CDH10: variants seen among roughly 807,000 people sequenced by gnomAD.
CDH10 encodes the protein cadherin-10.
A neutral mutation model predicts 73.1 loss-of-function variants in CDH10; 30 were observed. The ratio of observed to expected loss-of-function variants is 0.41; its 90% CI spans 0.31 to 0.56. The LOEUF (loss-of-function observed/expected upper bound fraction) is 0.56, where lower values mean the gene tolerates loss of function less well. CDH10 is among the 20% of genes least tolerant of loss of function. The probability of loss-of-function intolerance (pLI) is 0.27; values close to 1 mark genes in which losing one functional copy is unlikely to be tolerated. For synonymous variants in CDH10, 345 were observed against 348.2 expected, an observed-to-expected ratio of 0.99 and a Z score of 0.10; for missense variants, 815 against 973.7, an observed-to-expected ratio of 0.84 and a Z score of 2.17.
chr5:24,535,639 T>A, intron 4 of CDH10, 64 bp downstream of exon 4: 1 of 1,446,880 alleles, frequency 6.9e-7, no homozygotes. Context: ...TCTCCCATGG[T>A]CTTTCTACTG....
intron 2 of CDH10, among the ~76,000 whole-genome samples, chr5:24,553,555 T>C (rs1472525108): frequency 2.0e-5 from 3 of 152,204 alleles, no homozygotes; most frequent in African/African-American, 4.8e-5. Context: ...AAGCCCTCTA[T>C]TGAAATTTTT....
At chr5:24,585,058 G>C (rs1745945437) in intron 2 of CDH10, among the ~76,000 whole-genome samples, 1 of 152,046 alleles carries the variant, frequency 6.6e-6, no homozygotes, top group Non-Finnish European at 1.5e-5. Context: ...ATGTTGCCCA[G>C]GCTGATCTCG....
chr5:24,619,348 C>T (rs1484989467), intron 1 of CDH10, among the ~76,000 whole-genome samples: 5 of 152,124 alleles, frequency 3.3e-5, no homozygotes, highest in Non-Finnish European at 4.4e-5. Context: ...CACCCACCAC[C>T]ACGCCCAGCT....
intron 1 of CDH10, among the ~76,000 whole-genome samples, chr5:24,627,821 G>A (rs762620263): frequency 1.6e-4 from 25 of 151,744 alleles, no homozygotes; most frequent in Non-Finnish European, 2.8e-4. Context: ...AAAGCACAAC[G>A]ATAGCTTTAC....
rs147967872 is a variant in CDH10 at position 24,585,174 on chromosome 5, C to A, written c.231+8086G>T. Among the ~76,000 whole-genome samples the A allele has an allele frequency of 1.4e-4, 21 of 152,118 alleles. No homozygotes were observed. In the East Asian group the frequency reaches 3.9e-3, roughly 28 times the overall value. ...TTAATTTTTAATCTTAATAATACGA[C>A]TCTGAAAACCTAGCAAGTAGGCTTC... On this transcript the variant is annotated intron_variant, in intron 2 of 11. Coordinates refer to ENST00000264463, the MANE Select transcript of CDH10 (RefSeq NM_006727.5).
At chr5:24,519,108 C>A (rs1743218272) in intron 5 of CDH10, among the ~76,000 whole-genome samples, 1 of 151,764 alleles carries the variant, frequency 6.6e-6, no homozygotes, top group African/African-American at 2.4e-5. Context: ...CCAGGCTGGT[C>A]TCAAATTCCT....
intron 5 of CDH10, 140 bp from the exon 6 acceptor site, chr5:24,511,654 TA>T: frequency 1.7e-6 from 1 of 593,264 alleles, no homozygotes; most frequent in Non-Finnish European, 3.0e-6. Context: ...TCTTAAACTC[TA>T]AATCAGATGT....
intron 1 of CDH10, among the ~76,000 whole-genome samples, chr5:24,628,180 A>G (rs907844121): frequency 2.0e-5 from 3 of 152,190 alleles, no homozygotes; most frequent in Non-Finnish European, 2.9e-5. Context: ...AAACAAAACT[A>G]TCTTGCACAT....
At chr5:24,513,161 G>T in intron 5 of CDH10, among the ~76,000 whole-genome samples, 1 of 151,860 alleles carries the variant, frequency 6.6e-6, no homozygotes, top group East Asian at 1.9e-4. Flanking sequence ...TGGGACTATA[G>T]GCACCTGCCA....
chr5:24,492,863 G>T lies in CDH10; in HGVS notation c.1578C>A (p.Phe526Leu). 6.3e-7 allele frequency: 1 copy of T among 1,589,354 alleles called. No homozygotes were observed. Among genetic ancestry groups the T allele is most frequent in the Non-Finnish European group, 8.6e-7 (1 of 1,158,122 alleles). ...AGTTTGGATTGACAGCAGCTAAACT[G>T]AAAAAAAATTTCTGTCCACCTAAAG... Reference protein sequence around the residue: ...DDPLGGQKFFFSLAAVNPNFT... With the variant: ...DDPLGGQKFFLSLAAVNPNFT... The change falls in exon 10 of 12, where the codon TTC becomes TTA. Residue 526 changes from phenylalanine to leucine, a missense_variant. Physicochemically the swap from Phe to Leu is conservative, Grantham distance 22 (BLOSUM62 0). Around this residue, in one of 3 missense-constraint regions of CDH10, gnomAD observed 516 missense variants for 636.6 expected, o/e 0.81. Coordinates refer to ENST00000264463, the MANE Select transcript of CDH10 (RefSeq NM_006727.5).
intron 1 of CDH10, among the ~76,000 whole-genome samples, chr5:24,638,936 G>A (rs1317515230): frequency 6.6e-6 from 1 of 151,442 alleles, no homozygotes; most frequent in Non-Finnish European, 1.5e-5. Context: ...TCATGTTTTT[G>A]ATCTTATTAG....
chr5:24,519,302 A>C (rs1042474844), intron 5 of CDH10, among the ~76,000 whole-genome samples: 2 of 151,960 alleles, frequency 1.3e-5, no homozygotes, highest in Admixed American at 1.3e-4. Flanking sequence ...AAAACAATAT[A>C]GATCAATATT....
intron 1 of CDH10, among the ~76,000 whole-genome samples, chr5:24,622,604 C>T (rs1368661826): frequency 6.6e-6 from 1 of 152,132 alleles, no homozygotes; most frequent in African/African-American, 2.4e-5. Context: ...CAGTTAAAAT[C>T]TGCTAATATA....
At chr5:24,631,752 A>T (rs920427776) in intron 1 of CDH10, among the ~76,000 whole-genome samples, 1 of 152,066 alleles carries the variant, frequency 6.6e-6, no homozygotes. Context: ...GGGGACAAAA[A>T]AATCTCATCT....
intron 2 of CDH10, among the ~76,000 whole-genome samples, chr5:24,564,138 G>T (rs948674858): frequency 6.6e-6 from 1 of 152,110 alleles, no homozygotes; most frequent in Non-Finnish European, 1.5e-5. Context: ...TGTAATATGT[G>T]TATTCATTGC....
intron 1 of CDH10, among the ~76,000 whole-genome samples, chr5:24,606,585 T>C (rs1044827352): frequency 3.9e-5 from 6 of 152,272 alleles, no homozygotes; most frequent in African/African-American, 1.4e-4. Context: ...CACTCCAGCC[T>C]GGGTGACAGA....
chr5:24,569,281 T>A (rs1295884895), intron 2 of CDH10, among the ~76,000 whole-genome samples: 2 of 152,144 alleles, frequency 1.3e-5, no homozygotes, highest in East Asian at 3.9e-4. Context: ...TTAATTTGTA[T>A]CATTTGAAAT....
intron 2 of CDH10, among the ~76,000 whole-genome samples, chr5:24,591,476 T>C (rs892035553): frequency 4.0e-5 from 6 of 151,754 alleles, no homozygotes; most frequent in African/African-American, 1.5e-4. Context: ...CATTAAAGAG[T>C]TTTCTAATTT....
At chr5:24,521,228 A>C (rs1222238344) in intron 5 of CDH10, among the ~76,000 whole-genome samples, 7 of 152,256 alleles carry the variant, frequency 4.6e-5, no homozygotes, top group East Asian at 3.9e-4. Context: ...TCCACATACA[A>C]GCTCACGCTA....
Sources: gnomAD v4.1 joint callset for allele counts (sites outside exome capture counted in the v4.1 genomes callset) on GRCh38, gnomAD v4.1.1 for gene constraint, gnomAD v4.1.1 regional missense constraint, MANE v1.5 for transcripts, NCBI Gene and HGNC (gene_info 2026-07-23, HGNC 2026-07-21) for gene names.